Variants in TMEM131 observed in about 807,000 individuals in gnomAD.
TMEM131 encodes the protein 2610524E03Rik.
Under a neutral mutation model 211.6 loss-of-function variants are expected in TMEM131, and 66 were observed. That is an observed-to-expected ratio of 0.31 (90% CI 0.26 to 0.38). The LOEUF is 0.38. Among genes scored for constraint, TMEM131 ranks in the 10% least tolerant of loss-of-function variants. The pLI, the probability that TMEM131 is intolerant of heterozygous loss-of-function variation, is 1.00. For missense variants in TMEM131, 2,036 were observed against 2,299.3 expected (o/e 0.89, Z 2.34); for synonymous variants, 844 against 841.3 (o/e 1.00, Z -0.06).
Position 97,995,671 on chromosome 2 carries a change from G to T in TMEM131, c.-9C>A. ...CCCGCCCGCTTCCCCATCCCTGCCG[G>T]CCGGGGGCCGCCGCGCTCGAGGTCC... On this transcript the variant is annotated 5_prime_UTR_variant, in exon 1 of 41. Transcript: ENST00000186436. 8.3e-7 allele frequency: 1 copy of T among 1,200,766 alleles called. No homozygotes were observed. The highest frequency in any genetic ancestry group is 1.0e-6 in the Non-Finnish European group (1 of 967,600). The allele number at this position is 1,200,766 out of a possible 1,614,324, so 74.4% of individuals were successfully genotyped here.
chr2:97,777,116 T>C (rs1355508590), intron 31 of TMEM131, among the ~76,000 whole-genome samples: 3 of 151,834 alleles, frequency 2.0e-5, no homozygotes, highest in East Asian at 1.9e-4. Flanking sequence ...CCTGCCCTCA[T>C]GGAGCTTACA....
At chr2:97,855,757 G>A in intron 5 of TMEM131, among the ~76,000 whole-genome samples, 1 of 150,860 alleles carries the variant, frequency 6.6e-6, no homozygotes. Context: ...TTACATATTA[G>A]CATGTCATGT....
chr2:97,776,192 T>C (rs1413962222), intron 31 of TMEM131, among the ~76,000 whole-genome samples, 174 bp from the exon 32 acceptor site: 1 of 152,136 alleles, frequency 6.6e-6, no homozygotes, highest in Non-Finnish European at 1.5e-5. Flanking sequence ...TAGCTGGGAC[T>C]ACAGGCGCCC....
At chr2:97,887,534 T>C (rs1675211762) in intron 4 of TMEM131, among the ~76,000 whole-genome samples, 1 of 152,004 alleles carries the variant, frequency 6.6e-6, no homozygotes, top group Admixed American at 6.6e-5. Context: ...CCCGGGGGTC[T>C]CTCCTGCTTG....
rs1679645978 is a variant in TMEM131 at position 97,978,519 on chromosome 2, G to A, written c.187+16957C>T. Among the ~76,000 whole-genome samples, 4 of 152,170 alleles carry A rather than the reference G, an allele frequency of 2.6e-5. No homozygotes were observed. The Middle Eastern group carries it at 0.01, about 388-fold the overall frequency. On this transcript the variant is annotated intron_variant, in intron 1 of 40. Coordinates refer to ENST00000186436, the MANE Select transcript of TMEM131 (RefSeq NM_015348.2). ...CCCACCACAGCCTCCTGAGTAGCTG[G>A]GACAACAGGTGAGAGCCACCACACC...
intron 5 of TMEM131, among the ~76,000 whole-genome samples, chr2:97,845,483 T>C (rs1326567881): frequency 1.3e-5 from 2 of 152,040 alleles, no homozygotes; most frequent in Non-Finnish European, 2.9e-5. Flanking sequence ...ACTTCTAAAA[T>C]AAGCCACGGG....
intron 3 of TMEM131, among the ~76,000 whole-genome samples, chr2:97,905,682 AAAC>A (rs1676039086): frequency 6.6e-6 from 1 of 152,216 alleles, no homozygotes; most frequent in East Asian, 1.9e-4. Flanking sequence ...CTCATTTCAG[AAAC>A]AACATTTTTC....
At chr2:97,841,776 C>G (rs1338059977) in intron 7 of TMEM131, 39 bp downstream of exon 7, 1 of 1,530,190 alleles carries the variant, frequency 6.5e-7, no homozygotes, top group Non-Finnish European at 8.8e-7. Flanking sequence ...TAATTCCCAC[C>G]AAAATGAAGC....
chr2:97,934,634 C>T (rs967283623), intron 1 of TMEM131, among the ~76,000 whole-genome samples: 4 of 152,238 alleles, frequency 2.6e-5, no homozygotes, highest in Non-Finnish European at 5.9e-5. Context: ...CTTCAGTAAC[C>T]AAGGCAGTGT....
chr2:97,759,221 A>C (rs1421787446), intron 39 of TMEM131, 168 bp from the exon 40 acceptor site: 6 of 786,898 alleles, frequency 7.6e-6, no homozygotes, highest in Non-Finnish European at 1.2e-5. Flanking sequence ...AGTGTCCTCC[A>C]GAACTCAAAC....
chr2:97,847,079 G>T (rs929033825), intron 5 of TMEM131, among the ~76,000 whole-genome samples: 3 of 110,802 alleles, frequency 2.7e-5, no homozygotes, highest in African/African-American at 5.6e-5. Context: ...CTGGGGGGGG[G>T]GGGGGGGGCC....
intron 11 of TMEM131, among the ~76,000 whole-genome samples, chr2:97,821,432 C>A (rs957463338): frequency 5.3e-5 from 8 of 152,206 alleles, no homozygotes; most frequent in Non-Finnish European, 4.4e-5. Flanking sequence ...CCAGTAGAGG[C>A]AACCCGTTTG....
rs1559440202 is a variant in TMEM131 at position 97,908,689 on chromosome 2, T to C, written c.259A>G (p.Thr87Ala). 2 of 1,605,900 alleles carry C rather than the reference T, an allele frequency of 1.2e-6. No homozygotes were observed. The highest frequency in any genetic ancestry group is 1.1e-5 in the South Asian group (1 of 90,120). ...DDGGLLQTETTLGLSSYQQKS... is the reference protein window; with the variant it reads ...DDGGLLQTETALGLSSYQQKS... ...TGCTGATATGAACTGAGTCCAAGTG[T>C]TGTCTCGGTCTGTAAAAGGAATAAA... Residue 87 changes from threonine (T) to alanine (A), a missense_variant, in exon 3 of 41, where the codon ACA becomes GCA. Coordinates refer to ENST00000186436, the MANE Select transcript of TMEM131 (RefSeq NM_015348.2).
At chr2:97,758,377 C>A (rs1026260229) in intron 40 of TMEM131, among the ~76,000 whole-genome samples, 1 of 152,256 alleles carries the variant, frequency 6.6e-6, no homozygotes, top group South Asian at 2.1e-4. Flanking sequence ...CAAGAATACT[C>A]TTTTCAGCAT....
chr2:97,862,834 C>T (rs1244125155), intron 4 of TMEM131, among the ~76,000 whole-genome samples: 1 of 152,090 alleles, frequency 6.6e-6, no homozygotes, highest in Non-Finnish European at 1.5e-5. Flanking sequence ...GTGATAATAA[C>T]AGAACACTTC....
At chr2:97,896,007 C>T (rs113626082) in intron 3 of TMEM131, among the ~76,000 whole-genome samples, 3 of 152,158 alleles carry the variant, frequency 2.0e-5, no homozygotes, top group Admixed American at 6.5e-5. Flanking sequence ...GCATTTAGTG[C>T]TATAAATTTC....
intron 2 of TMEM131, among the ~76,000 whole-genome samples, chr2:97,921,755 C>T (rs975098445): frequency 3.3e-5 from 5 of 152,072 alleles, no homozygotes; most frequent in Admixed American, 1.3e-4. Context: ...AAAGACTTAA[C>T]GGATGTCACA....
chr2:97,940,391 A>C (rs564885744), intron 1 of TMEM131, among the ~76,000 whole-genome samples: 1 of 152,346 alleles, frequency 6.6e-6, no homozygotes, highest in Middle Eastern at 3.4e-3. Flanking sequence ...CAGAGAGCCA[A>C]ATCATGAGTG....
At position 97,834,672 on chromosome 2, in the gene TMEM131, C is replaced by T. The variant is rs781429682; in HGVS notation, c.961G>A (p.Gly321Arg). The change falls in exon 10 of 41, where the codon GGA (glycine) becomes AGA (arginine). Residue 321 changes from glycine (G) to arginine (R), a missense_variant. This residue lies in a region of TMEM131 where 277 missense variants were observed against 378.0 expected (regional missense o/e 0.73). Transcript: ENST00000186436. Reference protein sequence around the residue: ...PVEVEVTTAPGIYSSTEMLDF... With the variant: ...PVEVEVTTAPRIYSSTEMLDF... Reference sequence around the variant, plus strand: ...AACATTTCAGTTGAGGAATAAATTCCAGGAGCTTGGAAAAAAGAAAAGTCA... The same window carrying T: ...AACATTTCAGTTGAGGAATAAATTCTAGGAGCTTGGAAAAAAGAAAAGTCA... The T allele has an allele frequency of 2.5e-6, 4 of 1,588,228 alleles. No individual in the cohort carries two copies.
Sources: gnomAD v4.1 joint callset for allele counts (sites outside exome capture counted in the v4.1 genomes callset) on GRCh38, gnomAD v4.1.1 for gene constraint, gnomAD v4.1.1 regional missense constraint, MANE v1.5 for transcripts, NCBI Gene and HGNC (gene_info 2026-07-23, HGNC 2026-07-21) for gene names.